The following LHCGR variants were observed in gnomAD, a reference collection of about 807,000 sequenced individuals.
LHCGR encodes luteinizing hormone/choriogonadotropin receptor, also known as lutropin-choriogonadotropic hormone receptor.
In LHCGR, 55 loss-of-function variants were observed where a neutral mutation model predicts 60.7. The observed-to-expected ratio is 0.91, with a 90% confidence interval of 0.73 to 1.13. The LOEUF is 1.13. LHCGR is among the 50% of genes most tolerant of loss of function. The probability of loss-of-function intolerance (pLI) is 0.00; values close to 1 mark genes in which losing one functional copy is unlikely to be tolerated. For synonymous variants in LHCGR, 337 were observed against 316.5 expected, an observed-to-expected ratio of 1.06 and a Z score of -0.69; for missense variants, 862 against 836.0, an observed-to-expected ratio of 1.03 and a Z score of -0.38.
chr2:48,727,371 G>A (rs543997243), intron 3 of LHCGR, among the ~76,000 whole-genome samples: 23 of 152,252 alleles, frequency 1.5e-4, no homozygotes, highest in Middle Eastern at 3.4e-3. Context: ...GGCAAGCATC[G>A]TTCTATGTGC....
At chr2:48,753,805 AGTGT>A (rs70946826) in intron 1 of LHCGR, among the ~76,000 whole-genome samples, 7 of 149,920 alleles carry the variant, frequency 4.7e-5, no homozygotes, top group African/African-American at 1.5e-4. Context: ...GGAGAAACTG[AGTGT>A]GTGTGTGTGT....
At chr2:48,719,050 T>C (rs920118690) in intron 6 of LHCGR, among the ~76,000 whole-genome samples, 2 of 152,180 alleles carry the variant, frequency 1.3e-5, no homozygotes, top group East Asian at 3.9e-4. Flanking sequence ...AGGCCGGGCA[T>C]GGTGGCTCAC....
At chr2:48,748,386 C>A (rs1019814567) in intron 1 of LHCGR, among the ~76,000 whole-genome samples, 5 of 152,104 alleles carry the variant, frequency 3.3e-5, no homozygotes, top group Non-Finnish European at 7.4e-5. Context: ...GGCTTGGATG[C>A]TTTAGCTGGG....
chr2:48,710,701 C>T (rs956000671), intron 7 of LHCGR, among the ~76,000 whole-genome samples: 1 of 152,294 alleles, frequency 6.6e-6, no homozygotes, highest in South Asian at 2.1e-4. Context: ...ACTCCTAGAC[C>T]CCTCAGGTGC....
intron 6 of LHCGR, chr2:48,720,447 T>G (rs1453857836): frequency 6.6e-6 from 1 of 152,214 alleles, no homozygotes; most frequent in African/African-American, 2.4e-5. Flanking sequence ...TCATGGATAT[T>G]TGTGATCTTT....
At chr2:48,723,085 T>C (rs1193718388) in intron 6 of LHCGR, among the ~76,000 whole-genome samples, 1 of 152,202 alleles carries the variant, frequency 6.6e-6, no homozygotes. Context: ...CCTTCCAAAC[T>C]CTTCTCTGTT....
At chr2:48,739,577 C>T (rs1461059056) in intron 1 of LHCGR, among the ~76,000 whole-genome samples, 2 of 151,770 alleles carry the variant, frequency 1.3e-5, no homozygotes, top group Non-Finnish European at 2.9e-5. Flanking sequence ...AAACCAAACA[C>T]TGCATGTTCT....
At chr2:48,708,668 C>A (rs144406415) in intron 8 of LHCGR, 3 of 553,608 alleles carry the variant, frequency 5.4e-6, no homozygotes, top group African/African-American at 1.9e-5. Flanking sequence ...GGAATAGATG[C>A]TTTCTTCACA....
In LHCGR at chr2:48,750,130, A is replaced by G. The variant is rs1320262025; in HGVS notation, c.161+5381T>C. Among the ~76,000 whole-genome samples the G allele has an allele frequency of 2.0e-5, 3 of 152,032 alleles. No homozygotes were observed. In the East Asian group the frequency reaches 5.8e-4, roughly 29 times the overall value. On this transcript the variant is annotated intron_variant, in intron 1 of 10. Coordinates refer to ENST00000294954, the MANE Select transcript of LHCGR (RefSeq NM_000233.4). Reference sequence around the variant, plus strand: ...TGGGACATAAACTTTCTTAATTCTGAGATTTTTTGGCTGGCCCAGATTTAG... The same window carrying G: ...TGGGACATAAACTTTCTTAATTCTGGGATTTTTTGGCTGGCCCAGATTTAG...
In LHCGR at chr2:48,751,973, C is replaced by A. The variant is rs75029986; in HGVS notation, c.161+3538G>T. On this transcript the variant is annotated intron_variant, in intron 1 of 10. Coordinates refer to ENST00000294954, the MANE Select transcript of LHCGR (RefSeq NM_000233.4). ...ATCAACCTTTCTGTTGTCATAGAGA[C>A]AAAGATCTTTATATAGCCATGGGCA... is the stretch of plus-strand genomic sequence containing the variant. 2.0e-5 allele frequency among the ~76,000 whole-genome samples: 3 copies of A among 152,310 alleles called. No homozygotes were observed. The East Asian group carries it at 5.8e-4, about 29-fold the overall frequency.
chr2:48,695,860 C>T (rs1406473025), intron 9 of LHCGR, among the ~76,000 whole-genome samples: 1 of 152,098 alleles, frequency 6.6e-6, no homozygotes, highest in Non-Finnish European at 1.5e-5. Context: ...TAACTGGGAA[C>T]ATATGAACAG....
chr2:48,729,053 G>C, intron 3 of LHCGR, 100 bp downstream of exon 3: 1 of 955,494 alleles, frequency 1.0e-6, no homozygotes. Flanking sequence ...TTTTCCTTTT[G>C]GATTCCTAGC....
At position 48,687,672 on chromosome 2, in the gene LHCGR, A is replaced by G. The variant is rs765618901; in HGVS notation, c.*25T>C. On this transcript the variant is annotated 3_prime_UTR_variant, in exon 11 of 11. Transcript: ENST00000294954. Reference sequence around the variant, plus strand: ...TTTTTTACAGGTTTAAGAACAATTCAATAATGCAGTTACTGATGTAACAGT... The same window carrying G: ...TTTTTTACAGGTTTAAGAACAATTCGATAATGCAGTTACTGATGTAACAGT... 16 of 1,581,384 alleles carry G rather than the reference A, an allele frequency of 1.0e-5. No individual in the cohort carries two copies. The South Asian group carries it at 1.5e-4, about 15-fold the overall frequency.
At chr2:48,728,448 T>C (rs970557457) in intron 3 of LHCGR, among the ~76,000 whole-genome samples, 3 of 152,172 alleles carry the variant, frequency 2.0e-5, no homozygotes, top group Non-Finnish European at 2.9e-5. Flanking sequence ...GGTTTGCGCC[T>C]GAGTAAAAGC....
intron 10 of LHCGR, among the ~76,000 whole-genome samples, chr2:48,692,865 C>G (rs1666922704): frequency 6.6e-6 from 1 of 152,116 alleles, no homozygotes; most frequent in African/African-American, 2.4e-5. Flanking sequence ...GCTCTTTTTA[C>G]TTAGATTTTA....
chr2:48,734,674 G>A (rs1227889451), intron 1 of LHCGR, among the ~76,000 whole-genome samples: 1 of 152,026 alleles, frequency 6.6e-6, no homozygotes, highest in Non-Finnish European at 1.5e-5. Flanking sequence ...AGGTCTAGTC[G>A]GTATCATTTG....
intron 1 of LHCGR, among the ~76,000 whole-genome samples, chr2:48,752,661 C>G (rs1184736938): frequency 6.6e-6 from 1 of 151,910 alleles, no homozygotes; most frequent in Non-Finnish European, 1.5e-5. Context: ...CTTTTCCTGT[C>G]CTTTGTCTTA....
At chr2:48,753,571 G>A (rs528940417) in intron 1 of LHCGR, among the ~76,000 whole-genome samples, 30 of 152,268 alleles carry the variant, frequency 2.0e-4, no homozygotes, top group Middle Eastern at 3.4e-3. Flanking sequence ...TTTTTGAGGG[G>A]TTCTAGGATT....
At chr2:48,697,482 AATGTT>A (rs1164730766) in intron 9 of LHCGR, among the ~76,000 whole-genome samples, 3 of 152,206 alleles carry the variant, frequency 2.0e-5, no homozygotes, top group African/African-American at 7.2e-5. Flanking sequence ...GTGCTCAGTT[AATGTT>A]TTGGAAGATC....
Sources: gnomAD v4.1 joint callset for allele counts (sites outside exome capture counted in the v4.1 genomes callset) on GRCh38, gnomAD v4.1.1 for gene constraint, MANE v1.5 for transcripts, NCBI Gene and HGNC (gene_info 2026-07-23, HGNC 2026-07-21) for gene names.